TTN: variants seen among roughly 807,000 people sequenced by gnomAD.
The protein encoded by TTN is connectin.
TTN carries 1,525 observed loss-of-function variants against 3,223.0 expected under a neutral mutation model. That is an observed-to-expected ratio of 0.47 (90% confidence interval 0.45 to 0.49). The LOEUF is 0.49. Ranked by LOEUF, TTN falls within the 20% of genes least tolerant of loss-of-function variation. The probability of loss-of-function intolerance (pLI) is 0.00; values close to 1 mark genes in which losing one functional copy is unlikely to be tolerated. For missense variants in TTN, 40,786 were observed against 43,424.0 expected, an observed-to-expected ratio of 0.94 and a Z score of 5.40; for synonymous variants, 14,094 against 15,161.0, an observed-to-expected ratio of 0.93 and a Z score of 5.17.
chr2:178,746,821 C>T (rs1383024396), intron 47 of TTN: 1 of 1,613,224 alleles, frequency 6.2e-7, no homozygotes, highest in Non-Finnish European at 8.5e-7. Flanking sequence ...TTTCATATAC[C>T]TTCCTTTTGG....
chr2:178,773,523 G>A lies in TTN; in HGVS notation c.7533C>T (p.Asp2511=), dbSNP rs878878455. Residue 2511 remains aspartate (D), a synonymous_variant, in exon 32 of 363, where the codon GAC becomes GAT. Transcript: ENST00000589042. The stretch of plus-strand genomic sequence containing the variant: ...CAACTATCAGCTTGTAAGGTCCTTC[G>A]TCTGAAGCATGAGTTCGGTTAATGA... ...RLVINRTHAS[D]EGPYKLIVGR... is the part of the protein sequence containing the mutation. 9.3e-6 allele frequency: 15 copies of A among 1,613,880 alleles called. No individual in the cohort carries two copies. Among genetic ancestry groups the A allele is most frequent in the Admixed American group, 5.0e-5 (3 of 59,970 alleles).
chr2:178,538,012 G>A, intron 354 of TTN, 95 bp from the exon 355 acceptor site: 2 of 1,111,314 alleles, frequency 1.8e-6, no homozygotes, highest in Non-Finnish European at 2.5e-6. Flanking sequence ...CTTATTTACT[G>A]ACACATACCA....
Position 178,618,640 on chromosome 2 carries a change from A to G in TTN, c.46910T>C (p.Ile15637Thr). Residue 15637 changes from isoleucine to threonine, a missense_variant, in exon 251 of 363, where the codon ATT (isoleucine) becomes ACT (threonine). Transcript: ENST00000589042. ...AKKGDKGRYK[I>T]VLQNKHGKAE... ...TTTTCCATGTTTGTTCTGAAGCACA[A>G]TTTTATACCTCCCTTTGTCTCCTTT... The G allele has an allele frequency of 6.2e-7, 1 of 1,612,496 alleles. No homozygotes were observed. Among genetic ancestry groups the G allele is most frequent in the Non-Finnish European group, 8.5e-7 (1 of 1,179,068 alleles).
At chr2:178,726,150 G>T (rs939294342) in intron 69 of TTN, 104 bp from the exon 70 acceptor site, 26 of 1,337,660 alleles carry the variant, frequency 1.9e-5, no homozygotes, top group African/African-American at 3.0e-5. Context: ...ATATTCTAAT[G>T]GGTAAGTAGA....
chr2:178,664,199 C>T, intron 168 of TTN, 101 bp from the exon 169 acceptor site: 2 of 1,191,720 alleles, frequency 1.7e-6, no homozygotes, highest in Non-Finnish European at 1.2e-6. Context: ...TTCTCCTGAG[C>T]TGAGATCAGT....
intron 64 of TTN, 40 bp from the exon 65 acceptor site, chr2:178,729,209 T>G: frequency 1.3e-6 from 2 of 1,549,556 alleles, no homozygotes; most frequent in South Asian, 2.6e-5. Flanking sequence ...AGAAACATAT[T>G]GTAACTCCTA....
chr2:178,758,176 G>A (rs1003473737), intron 44 of TTN, among the ~76,000 whole-genome samples: 7 of 152,196 alleles, frequency 4.6e-5, no homozygotes, highest in East Asian at 3.9e-4. Flanking sequence ...ACCCAACAGG[G>A]TTTTGGATAT....
rs543420542 is a variant in TTN at position 178,649,742 on chromosome 2, C to T, written c.39895+75G>A. 2.1e-5 allele frequency: 32 copies of T among 1,556,944 alleles called. No individual in the cohort carries two copies. The South Asian group carries it at 3.4e-4, about 17-fold the overall frequency. On this transcript the variant is annotated intron_variant, in intron 211 of 362. Coordinates refer to ENST00000589042, the MANE Select transcript of TTN (RefSeq NM_001267550.2). Reference sequence around the variant, plus strand: ...GGTAAGAGTTAACAAACATATAATACAACACAACACACAATAAGAAGAGTG... The same window carrying T: ...GGTAAGAGTTAACAAACATATAATATAACACAACACACAATAAGAAGAGTG...
In TTN at chr2:178,582,051, GT is replaced by G. The variant is rs1403297305; in HGVS notation, c.66317del (p.Asn22106ThrfsTer6). Reference protein sequence around the residue: ...ETQAVNWTKVNRKPIIERTLK... With the variant: ...ETQAVNWTKVXRKPIIERTLK... ...ATGTTCTTTCTATAATAGGTTTTCT[GT>G]TGACCTTAGTCCAGTTAACAGCCTG... On this transcript the variant is annotated frameshift_variant, in exon 315 of 363. Coordinates refer to ENST00000589042, the MANE Select transcript of TTN (RefSeq NM_001267550.2). LOFTEE classifies it high-confidence loss of function. 1 of 1,613,108 alleles carries G rather than the reference GT, an allele frequency of 6.2e-7. No individual in the cohort carries two copies. Among genetic ancestry groups the G allele is most frequent in the East Asian group, 2.2e-5 (1 of 44,804 alleles).
At chr2:178,609,185 A>G (rs2055697866) in intron 273 of TTN, 23 bp downstream of exon 273, 32 of 1,475,324 alleles carry the variant, frequency 2.2e-5, no homozygotes, top group East Asian at 9.5e-5. Context: ...TTTCCATTGG[A>G]AAGTGTAGTT....
intron 20 of TTN, 79 bp downstream of exon 20, chr2:178,782,133 G>A (rs1254975433): frequency 6.6e-6 from 10 of 1,521,496 alleles, no homozygotes; most frequent in Admixed American, 5.1e-5. Context: ...AGGGTCGGTG[G>A]GGTGAGTAAA....
chr2:178,765,244 T>C (rs2090163054), intron 41 of TTN, among the ~76,000 whole-genome samples: 1 of 152,250 alleles, frequency 6.6e-6, no homozygotes, highest in South Asian at 2.1e-4. Context: ...TTTGTGTTTA[T>C]GTCATAGTCA....
intron 15 of TTN, among the ~76,000 whole-genome samples, chr2:178,784,806 T>C (rs1227598548): frequency 6.6e-6 from 1 of 152,216 alleles, no homozygotes; most frequent in Non-Finnish European, 1.5e-5. Context: ...AAGGTAAACA[T>C]GAAGACATTC....
Position 178,718,488 on chromosome 2 carries a change from C to G in TTN, c.24618G>C (p.Lys8206Asn), listed in dbSNP as rs2154299557. The change falls in exon 85 of 363, where the codon AAG becomes AAC. Residue 8206 changes from lysine to asparagine, a missense_variant. Coordinates refer to ENST00000589042, the MANE Select transcript of TTN (RefSeq NM_001267550.2). ...CAGATTGTGAAATAAGATACTCGTCCTTTATCCAGCTCACTGAGATTGGAG... is the reference window on the plus strand; with the variant it reads ...CAGATTGTGAAATAAGATACTCGTCGTTTATCCAGCTCACTGAGATTGGAG... ...GTPPISVSWI[K>N]DEYLISQSER... 1.2e-6 allele frequency: 2 copies of G among 1,613,696 alleles called. No homozygotes were observed. Among genetic ancestry groups the G allele is most frequent in the Admixed American group, 3.3e-5 (2 of 60,000 alleles).
chr2:178,588,579 G>C lies in TTN; in HGVS notation c.63146C>G (p.Pro21049Arg), dbSNP rs1559560525. The C allele has an allele frequency of 2.6e-6, 4 of 1,549,680 alleles. No individual in the cohort carries two copies. Among genetic ancestry groups the C allele is most frequent in the Non-Finnish European group, 3.5e-6 (4 of 1,150,680 alleles). Reference sequence around the variant, plus strand: ...CACCACCGGTCTTGAAGGCAAGCTTGGTTCTCCAATTCCAATTTCATTTTC... The same window carrying C: ...CACCACCGGTCTTGAAGGCAAGCTTCGTTCTCCAATTCCAATTTCATTTTC... ...KAENEIGIGE[P>R]SLPSRPVVAK... is the part of the protein sequence containing the mutation. The change falls in exon 304 of 363, where the codon CCA becomes CGA. Residue 21049 changes from proline to arginine, a missense_variant. By Grantham distance (103) the Pro-to-Arg change is moderately radical. Transcript: ENST00000589042.
chr2:178,599,742 T>G lies in TTN; in HGVS notation c.56159A>C (p.Lys18720Thr), dbSNP rs1200935663. 1.2e-6 allele frequency: 2 copies of G among 1,612,862 alleles called. No homozygotes were observed. The highest frequency in any genetic ancestry group is 1.7e-6 in the Non-Finnish European group (2 of 1,179,292). Residue 18720 changes from lysine to threonine, a missense_variant, in exon 289 of 363, where the codon AAA (lysine) becomes ACA (threonine). By Grantham distance (78) the Lys-to-Thr change is moderately conservative. Transcript: ENST00000589042. ...GTTATCAGGCTTCTTTGGAGGAGCT[T>G]TAAACCAGGTTAGTGTCGGGAATGG... ...GVPFPTLTWF[K>T]APPKKPDNKE... is the part of the protein sequence containing the mutation.
At chr2:178,580,769 G>C in intron 316 of TTN, 160 bp from the exon 317 acceptor site, 1 of 740,320 alleles carries the variant, frequency 1.4e-6, no homozygotes, top group East Asian at 2.8e-5. Flanking sequence ...TTTCTGTTCT[G>C]TACTAATTGT....
rs769065211 is a variant in TTN at position 178,710,928 on chromosome 2, A to G, written c.28175-6T>C. ...GAAGGGTGGGTTCTTCCCCTCTAAT[A>G]GTAGAGCAGAAAGACAAGGTTTCAG... On this transcript the variant is annotated splice_region_variant and splice_polypyrimidine_tract_variant and intron_variant, in intron 97 of 362. Coordinates refer to ENST00000589042, the MANE Select transcript of TTN (RefSeq NM_001267550.2). 1.2e-5 allele frequency: 20 copies of G among 1,606,842 alleles called. No individual in the cohort carries two copies. The highest frequency in any genetic ancestry group is 1.6e-5 in the Non-Finnish European group (19 of 1,175,060).
Position 178,714,118 on chromosome 2 carries a change from C to T in TTN, c.26540G>A (p.Cys8847Tyr). Residue 8847 changes from cysteine to tyrosine, a missense_variant, in exon 92 of 363, where the codon TGT becomes TAT. Cys to Tyr is a radical substitution (Grantham distance 194). Coordinates refer to ENST00000589042, the MANE Select transcript of TTN (RefSeq NM_001267550.2). ...ESIKVTTGDT[C>Y]TLECTVAGTP... Reference sequence around the variant, plus strand: ...GCCAGCTACTGTACACTCCAAGGTACAGGTGTCTCCCGTGGTAACTTTTAT... The same window carrying T: ...GCCAGCTACTGTACACTCCAAGGTATAGGTGTCTCCCGTGGTAACTTTTAT... 1.9e-6 allele frequency: 3 copies of T among 1,613,694 alleles called. No individual in the cohort carries two copies. Among genetic ancestry groups the T allele is most frequent in the Non-Finnish European group, 2.5e-6 (3 of 1,179,726 alleles).
Sources: allele counts gnomAD v4.1 joint callset (sites outside exome capture counted in the v4.1 genomes callset), GRCh38; gene constraint gnomAD v4.1.1; transcripts MANE v1.5; gene names NCBI Gene and HGNC (gene_info 2026-07-23, HGNC 2026-07-21).